DYNLRB2: variants seen among roughly 807,000 people sequenced by gnomAD.
The protein encoded by DYNLRB2 is bithoraxoid-like protein.
In DYNLRB2, 14 loss-of-function variants were observed where a neutral mutation model predicts 12.6. That is an observed-to-expected ratio of 1.11 (90% CI 0.73 to 1.73). DYNLRB2 has a LOEUF of 1.73. DYNLRB2 is among the 40% of genes most tolerant of loss of function. The probability of loss-of-function intolerance (pLI) is 0.00; values close to 1 mark genes in which losing one functional copy is unlikely to be tolerated. For synonymous variants in DYNLRB2, 53 were observed against 37.0 expected (o/e 1.43, Z -1.57); for missense variants, 142 against 117.7 (o/e 1.21, Z -0.95).
In DYNLRB2 at chr16:80,550,693, A is replaced by G. The variant is rs903785997; in HGVS notation, c.*135A>G. On this transcript the variant is annotated 3_prime_UTR_variant, in exon 4 of 4. Coordinates refer to ENST00000305904, the MANE Select transcript of DYNLRB2 (RefSeq NM_130897.3). Reference sequence around the variant, plus strand: ...TATTTCTATATCTAAACTGTTCTGCATGTCTCATTTAGTCCCTTTTGATTA... The same window carrying G: ...TATTTCTATATCTAAACTGTTCTGCGTGTCTCATTTAGTCCCTTTTGATTA... The G allele has an allele frequency of 2.1e-6, 2 of 973,048 alleles. No homozygotes were observed. Among genetic ancestry groups the G allele is most frequent in the Non-Finnish European group, 3.2e-6 (2 of 628,436 alleles). The allele number at this position is 973,048 out of a possible 1,614,324, so 60.3% of individuals were successfully genotyped here.
At chr16:80,546,874 G>A (rs993790600) in intron 2 of DYNLRB2, among the ~76,000 whole-genome samples, 4 of 152,182 alleles carry the variant, frequency 2.6e-5, no homozygotes, top group Non-Finnish European at 5.9e-5. Flanking sequence ...AGTTGAAGAT[G>A]ACAAATTGAA....
At chr16:80,548,587 T>G (rs917553607) in intron 2 of DYNLRB2, among the ~76,000 whole-genome samples, 4 of 151,870 alleles carry the variant, frequency 2.6e-5, no homozygotes, top group Non-Finnish European at 4.4e-5. Flanking sequence ...CCGGGCGTGG[T>G]GGTGGGTTCC....
At chr16:80,543,024 A>G (rs1904302990) in intron 1 of DYNLRB2, among the ~76,000 whole-genome samples, 1 of 152,250 alleles carries the variant, frequency 6.6e-6, no homozygotes. Context: ...AACTCCTGTG[A>G]GGCAGTAAGC....
intron 2 of DYNLRB2, 131 bp from the exon 3 acceptor site, chr16:80,549,353 G>T: frequency 1.1e-6 from 1 of 901,130 alleles, no homozygotes; most frequent in Non-Finnish European, 1.6e-6. Context: ...AACTAAAATT[G>T]TTACCAGAGA....
chr16:80,541,089 G>T lies in DYNLRB2; in HGVS notation c.3+10G>T, dbSNP rs1394001532. 1.2e-6 allele frequency: 2 copies of T among 1,605,928 alleles called. No homozygotes were observed. Among genetic ancestry groups the T allele is most frequent in the Non-Finnish European group, 1.7e-6 (2 of 1,175,478 alleles). The stretch of plus-strand genomic sequence containing the variant: ...CGCGGCCTCCGCGATGGTAAATCTG[G>T]GGTCTCCGTCCACGCCCCGCCGTTC... On this transcript the variant is annotated intron_variant, in intron 1 of 3. Transcript: ENST00000305904.
chr16:80,540,866 C>T (rs958539498), upstream of DYNLRB2: 11 of 834,568 alleles, frequency 1.3e-5, no homozygotes, highest in Middle Eastern at 8.7e-4. Context: ...TGAGCGCCTG[C>T]TCCCCTCTTC....
chr16:80,546,188 C>T (rs903325887), intron 2 of DYNLRB2, among the ~76,000 whole-genome samples: 2 of 152,094 alleles, frequency 1.3e-5, no homozygotes, highest in Admixed American at 6.5e-5. Flanking sequence ...GTGTAAGCTA[C>T]GTGACCAGAA....
chr16:80,544,228 C>T (rs1275783277), intron 2 of DYNLRB2, among the ~76,000 whole-genome samples: 2 of 152,110 alleles, frequency 1.3e-5, no homozygotes. Flanking sequence ...GGACAATAAC[C>T]TATTTTACTG....
intron 1 of DYNLRB2, 137 bp from the exon 2 acceptor site, chr16:80,543,139 T>G (rs988760601): frequency 1.5e-5 from 12 of 805,728 alleles, no homozygotes; most frequent in Non-Finnish European, 1.9e-6. Context: ...AGCTGTCTTT[T>G]AAAAATCTGA....
At chr16:80,545,666 C>CTTTTATTTTTTTTTTT (rs1904410720) in intron 2 of DYNLRB2, among the ~76,000 whole-genome samples, 1 of 74,886 alleles carries the variant, frequency 1.3e-5, no homozygotes, top group Non-Finnish European at 2.5e-5. Context: ...CCATTAGCTT[C>CTTTTATTTTTTTTTTT]TTTTTTTTTT....
At chr16:80,544,286 A>G (rs1422486027) in intron 2 of DYNLRB2, among the ~76,000 whole-genome samples, 4 of 152,244 alleles carry the variant, frequency 2.6e-5, no homozygotes, top group Non-Finnish European at 5.9e-5. Context: ...TGCTTGGCAT[A>G]ATACCCAATA....
chr16:80,542,581 CTT>C (rs1007003057), intron 1 of DYNLRB2, among the ~76,000 whole-genome samples: 2 of 152,196 alleles, frequency 1.3e-5, no homozygotes, highest in African/African-American at 4.8e-5. Context: ...TCGTTCTTGT[CTT>C]TGAGTTTTCT....
At position 80,547,043 on chromosome 16, in the gene DYNLRB2, A is replaced by T. The variant is rs1442033464; in HGVS notation, c.80-2441A>T. 2.6e-5 allele frequency among the ~76,000 whole-genome samples: 4 copies of T among 152,226 alleles called. No individual in the cohort carries two copies. The East Asian group carries it at 7.7e-4, about 29-fold the overall frequency. ...TAAATGTGAAATGAGATGACCAAGGACATATTCTGTAGCCTTGTTTACAAA... is the reference window on the plus strand; with the variant it reads ...TAAATGTGAAATGAGATGACCAAGGTCATATTCTGTAGCCTTGTTTACAAA... On this transcript the variant is annotated intron_variant, in intron 2 of 3. Coordinates refer to ENST00000305904, the MANE Select transcript of DYNLRB2 (RefSeq NM_130897.3).
At chr16:80,550,264 T>C (rs564334031) in intron 3 of DYNLRB2, among the ~76,000 whole-genome samples, 1 of 152,256 alleles carries the variant, frequency 6.6e-6, no homozygotes, top group Non-Finnish European at 1.5e-5. Context: ...ATCCAATCAC[T>C]TGGAGGACAT....
chr16:80,542,817 A>G (rs1904299688), intron 1 of DYNLRB2, among the ~76,000 whole-genome samples: 1 of 152,230 alleles, frequency 6.6e-6, no homozygotes, highest in Non-Finnish European at 1.5e-5. Context: ...AATGAAAATA[A>G]GATTTCTCAA....
intron 2 of DYNLRB2, among the ~76,000 whole-genome samples, chr16:80,546,045 C>T (rs1904445605): frequency 6.6e-6 from 1 of 152,114 alleles, no homozygotes. Context: ...TTCAAGGTTT[C>T]TGGGTACTTA....
chr16:80,549,020 A>T (rs1260540337), intron 2 of DYNLRB2: 12 of 455,794 alleles, frequency 2.6e-5, no homozygotes, highest in Non-Finnish European at 4.9e-5. Context: ...AGGGGAGTGC[A>T]TTTCATATAA....
chr16:80,550,773 C>A lies in DYNLRB2; in HGVS notation c.*215C>A. 1 of 572,406 alleles carries A rather than the reference C, an allele frequency of 1.7e-6. No individual in the cohort carries two copies. Among genetic ancestry groups the A allele is most frequent in the Admixed American group, 3.1e-5 (1 of 31,890 alleles). The allele number at this position is 572,406 out of a possible 1,614,324, so 35.5% of individuals were successfully genotyped here. On this transcript the variant is annotated 3_prime_UTR_variant, in exon 4 of 4. Coordinates refer to ENST00000305904, the MANE Select transcript of DYNLRB2 (RefSeq NM_130897.3). ...TAAGTGAATTCTGGTATATACGTCTCTATTGTCTTATAATACACAAAACCA... is the reference window on the plus strand; with the variant it reads ...TAAGTGAATTCTGGTATATACGTCTATATTGTCTTATAATACACAAAACCA...
At chr16:80,541,223 G>A (rs894391739) in intron 1 of DYNLRB2, 144 bp downstream of exon 1, 1 of 1,432,926 alleles carries the variant, frequency 7.0e-7, no homozygotes, top group African/African-American at 1.4e-5. Flanking sequence ...TCTTCCTGGA[G>A]GGGCGAGAGG....
Sources: gnomAD v4.1 joint callset for allele counts (sites outside exome capture counted in the v4.1 genomes callset) on GRCh38, gnomAD v4.1.1 for gene constraint, MANE v1.5 for transcripts, NCBI Gene and HGNC (gene_info 2026-07-23, HGNC 2026-07-21) for gene names.